Variants in FNTB observed in about 807,000 individuals in gnomAD.
The protein encoded by FNTB is farnesyltransferase, CAAX box, subunit beta, also known as protein farnesyltransferase subunit beta.
A neutral mutation model predicts 59.4 loss-of-function variants in FNTB; 27 were observed. The ratio of observed to expected loss-of-function variants is 0.45; its 90% CI spans 0.34 to 0.63. The LOEUF is 0.63. Ranked by LOEUF, FNTB falls within the 20% of genes least tolerant of loss-of-function variation. FNTB has a pLI of 0.02. For synonymous variants in FNTB, 230 were observed against 220.7 expected (o/e 1.04, Z -0.37); for missense variants, 449 against 559.6 (o/e 0.80, Z 1.99).
At chr14:65,061,095 A>C in intron 11 of FNTB, 86 bp from the exon 12 acceptor site, 2 of 1,556,894 alleles carry the variant, frequency 1.3e-6, no homozygotes, top group Non-Finnish European at 1.7e-6. Context: ...CTAAATTCTT[A>C]GAAGTGCCTT....
intron 7 of FNTB, among the ~76,000 whole-genome samples, chr14:65,033,368 A>C (rs894866204): frequency 3.3e-5 from 5 of 152,240 alleles, no homozygotes; most frequent in Non-Finnish European, 7.3e-5. Context: ...GATAAACACC[A>C]AATTTAGCAT....
At chr14:65,059,550 T>C (rs1018374597) in intron 11 of FNTB, among the ~76,000 whole-genome samples, 5 of 152,112 alleles carry the variant, frequency 3.3e-5, no homozygotes, top group Non-Finnish European at 5.9e-5. Flanking sequence ...TTAAAAATTA[T>C]TGTTTTATCT....
At chr14:65,025,222 A>G (rs1315944645) in intron 4 of FNTB, among the ~76,000 whole-genome samples, 1 of 152,160 alleles carries the variant, frequency 6.6e-6, no homozygotes, top group African/African-American at 2.4e-5. Flanking sequence ...TTCAGATCCT[A>G]ACTAATTCGA....
At chr14:65,055,078 C>A (rs2062701752) in intron 11 of FNTB, among the ~76,000 whole-genome samples, 1 of 152,256 alleles carries the variant, frequency 6.6e-6, no homozygotes, top group South Asian at 2.1e-4. Flanking sequence ...CGCGTCTCTC[C>A]CAGAGGCTCA....
At position 65,012,300 on chromosome 14, in the gene FNTB, A is replaced by G; in HGVS notation, c.210-17A>G. 6.2e-7 allele frequency: 1 copy of G among 1,613,992 alleles called. No individual in the cohort carries two copies. Among genetic ancestry groups the G allele is most frequent in the South Asian group, 1.1e-5 (1 of 91,078 alleles). On this transcript the variant is annotated splice_polypyrimidine_tract_variant and intron_variant, in intron 2 of 11. Coordinates refer to ENST00000246166, the MANE Select transcript of FNTB (RefSeq NM_002028.4). This position sits in a 1 kb window ranked among gnomAD's most constrained non-coding sequence, Gnocchi z 5.0. ...ATAAGCTATTAGAATGGGCTTATAA[A>G]CTGTTTGTCTTTCCAGGCTTGTTTT...
chr14:65,025,827 CAAA>C (rs1346800842), intron 4 of FNTB, among the ~76,000 whole-genome samples: 1 of 152,096 alleles, frequency 6.6e-6, no homozygotes, highest in Non-Finnish European at 1.5e-5. Flanking sequence ...AAATCAAAAA[CAAA>C]AACCATAGTG....
At chr14:65,019,800 C>A (rs1001625147) in intron 4 of FNTB, among the ~76,000 whole-genome samples, 5 of 152,182 alleles carry the variant, frequency 3.3e-5, no homozygotes, top group African/African-American at 1.2e-4. Flanking sequence ...ATGAACAAAG[C>A]CTACTGGCTC....
chr14:65,015,897 A>G (rs2061764906), intron 4 of FNTB, among the ~76,000 whole-genome samples, 181 bp downstream of exon 4: 1 of 152,222 alleles, frequency 6.6e-6, no homozygotes, highest in African/African-American at 2.4e-5. Context: ...AACTAATGTA[A>G]GCTGGTGGGT....
intron 4 of FNTB, among the ~76,000 whole-genome samples, chr14:65,024,057 G>A (rs1453915756): frequency 4.0e-5 from 6 of 150,476 alleles, no homozygotes; most frequent in African/African-American, 1.2e-4. Context: ...AGCTGAGATC[G>A]CTCAACTGCA....
chr14:65,062,224 C>G lies in FNTB; in HGVS notation c.*912C>G, dbSNP rs2062878165. ...CTCCTCCAAGACTGTGTTGTCTTTT[C>G]TCACCAAGAGTATTAACACTACTAA... On this transcript the variant is annotated 3_prime_UTR_variant, in exon 12 of 12. Coordinates refer to ENST00000246166, the MANE Select transcript of FNTB (RefSeq NM_002028.4). The surrounding 1 kb of genome is among the most constrained non-coding windows in gnomAD (Gnocchi z 4.3). 1 of 152,306 alleles carries G rather than the reference C, an allele frequency of 6.6e-6. No individual in the cohort carries two copies. The highest frequency in any genetic ancestry group is 2.1e-4 in the South Asian group (1 of 4,834). 9.4% of individuals were successfully genotyped at this position (152,306 alleles called of 1,614,324 possible). A position where few individuals can be genotyped will look rare whatever the true frequency, so the allele number is the denominator to read the frequency against.
At chr14:64,995,496 A>G (rs1176959280) in intron 1 of FNTB, among the ~76,000 whole-genome samples, 1 of 152,060 alleles carries the variant, frequency 6.6e-6, no homozygotes, top group Non-Finnish European at 1.5e-5. Flanking sequence ...GCTTTGTGCT[A>G]CAACATCATG....
Position 65,011,372 on chromosome 14 carries a change from T to C in FNTB, c.210-945T>C, listed in dbSNP as rs1306708403. Among the ~76,000 whole-genome samples the C allele has an allele frequency of 7.4e-6, 1 of 135,336 alleles. No individual in the cohort carries two copies. Among genetic ancestry groups the C allele is most frequent in the East Asian group, 2.2e-4 (1 of 4,530 alleles). 88.8% of individuals were successfully genotyped at this position (135,336 alleles called of 152,430 possible). On this transcript the variant is annotated intron_variant, in intron 2 of 11. Transcript: ENST00000246166. This position sits in a 1 kb window ranked among gnomAD's most constrained non-coding sequence, Gnocchi z 4.0. ...TGAACCCAAGAGGTGGAGGTTGCAG[T>C]AAGCTGAAATCACACCACTGCACTC...
chr14:65,015,614 C>G lies in FNTB; in HGVS notation c.283-11C>G. On this transcript the variant is annotated splice_polypyrimidine_tract_variant and intron_variant, in intron 3 of 11. Coordinates refer to ENST00000246166, the MANE Select transcript of FNTB (RefSeq NM_002028.4). Reference sequence around the variant, plus strand: ...GAATAAGGGATGTTTTCTCTCCTGTCTCTCTCCCAGTGTCTGGATGCCAGC... The same window carrying G: ...GAATAAGGGATGTTTTCTCTCCTGTGTCTCTCCCAGTGTCTGGATGCCAGC... 1 of 1,613,950 alleles carries G rather than the reference C, an allele frequency of 6.2e-7. No individual in the cohort carries two copies. The highest frequency in any genetic ancestry group is 8.5e-7 in the Non-Finnish European group (1 of 1,179,938).
At chr14:65,037,753 T>TTTATTTA (rs1348661403) in intron 7 of FNTB, among the ~76,000 whole-genome samples, 1 of 96,532 alleles carries the variant, frequency 1.0e-5, no homozygotes, top group Admixed American at 1.1e-4. Flanking sequence ...TATTTATTTA[T>TTTATTTA]TTATTTATTT....
At chr14:65,050,167 C>T (rs145739210) in intron 9 of FNTB, among the ~76,000 whole-genome samples, 83 of 152,244 alleles carry the variant, frequency 5.5e-4, no homozygotes, top group African/African-American at 1.9e-3. Context: ...CAGACACCAT[C>T]ATAAGGAAAT....
chr14:65,005,501 C>CTTTCTT (rs1184709075), intron 2 of FNTB, among the ~76,000 whole-genome samples: 143 of 133,528 alleles, frequency 1.1e-3, no homozygotes, highest in African/African-American at 4.0e-3. Context: ...TTCTTTCTTT[C>CTTTCTT]TTTCTTTCTT....
At chr14:65,053,115 A>G in intron 9 of FNTB, 123 bp from the exon 10 acceptor site, 1 of 666,808 alleles carries the variant, frequency 1.5e-6, no homozygotes, top group Non-Finnish European at 2.2e-6. Flanking sequence ...TTGTACCAAG[A>G]ATGAATGGAA....
intron 4 of FNTB, among the ~76,000 whole-genome samples, chr14:65,026,494 G>A (rs895608352): frequency 5.9e-5 from 9 of 152,296 alleles, no homozygotes; most frequent in East Asian, 1.9e-4. Context: ...TATGTTTACC[G>A]CAATTAAGGT....
intron 4 of FNTB, among the ~76,000 whole-genome samples, chr14:65,021,463 T>G (rs1008606892): frequency 2.6e-5 from 4 of 152,210 alleles, no homozygotes; most frequent in African/African-American, 7.2e-5. Context: ...GTATGTTTCC[T>G]TACCTTTCAG....
Sources: allele counts gnomAD v4.1 joint callset (sites outside exome capture counted in the v4.1 genomes callset), GRCh38; gene constraint gnomAD v4.1.1; non-coding constraint Gnocchi (gnomAD v3.1); transcripts MANE v1.5; gene names NCBI Gene and HGNC (gene_info 2026-07-23, HGNC 2026-07-21).